The following NEGR1 variants were observed in gnomAD, a reference collection of about 807,000 sequenced individuals.
The protein encoded by NEGR1 is neuronal growth regulator 1.
A neutral mutation model predicts 40.9 loss-of-function variants in NEGR1; 10 were observed. The observed-to-expected ratio is 0.24, with a 90% CI of 0.15 to 0.42. The LOEUF is 0.42. Ranked by LOEUF, NEGR1 falls within the 10% of genes least tolerant of loss-of-function variation. The pLI is 1.00. For synonymous variants in NEGR1, 185 were observed against 166.8 expected (o/e 1.11, Z -0.84); for missense variants, 352 against 438.9 (o/e 0.80, Z 1.77).
At chr1:71,836,813 A>T (rs1270924741) in intron 2 of NEGR1, among the ~76,000 whole-genome samples, 2 of 152,092 alleles carry the variant, frequency 1.3e-5, no homozygotes, top group Non-Finnish European at 2.9e-5. Flanking sequence ...CTTCTGAGAA[A>T]AAGCATATGG....
intron 2 of NEGR1, among the ~76,000 whole-genome samples, chr1:71,799,131 G>T (rs1000753706): frequency 7.2e-5 from 11 of 151,742 alleles, no homozygotes; most frequent in African/African-American, 2.7e-4. Context: ...TGCCATGGTG[G>T]TTTGCTGCAC....
chr1:71,771,569 G>T lies in NEGR1; in HGVS notation c.535+4603C>A, dbSNP rs546850615. Among the ~76,000 whole-genome samples the T allele has an allele frequency of 5.9e-5, 9 of 151,626 alleles. No individual in the cohort carries two copies. In the East Asian group the frequency reaches 1.6e-3, roughly 26 times the overall value. ...TACAAAATTAGCCAGGCATGGTGGC[G>T]CATGCCTGTAATCCCAGCTACCCGG... On this transcript the variant is annotated intron_variant, in intron 3 of 6. Transcript: ENST00000357731.
chr1:72,236,451 A>G (rs946842228), intron 1 of NEGR1, among the ~76,000 whole-genome samples: 1 of 151,962 alleles, frequency 6.6e-6, no homozygotes, highest in Non-Finnish European at 1.5e-5. Flanking sequence ...AGAAGAAGAA[A>G]AAAATGCAAA....
chr1:71,501,936 C>CT (rs1647002104), intron 6 of NEGR1, among the ~76,000 whole-genome samples: 1 of 152,130 alleles, frequency 6.6e-6, no homozygotes, highest in Non-Finnish European at 1.5e-5. Flanking sequence ...ACTCTATTGA[C>CT]TTTTTTGTCC....
At chr1:71,797,155 T>C (rs938448757) in intron 2 of NEGR1, among the ~76,000 whole-genome samples, 2 of 152,174 alleles carry the variant, frequency 1.3e-5, no homozygotes, top group African/African-American at 2.4e-5. Context: ...CTGTGCTACA[T>C]ACTTTATATC....
At chr1:72,194,267 C>T (rs530602576) in intron 1 of NEGR1, among the ~76,000 whole-genome samples, 5 of 151,662 alleles carry the variant, frequency 3.3e-5, no homozygotes, top group Non-Finnish European at 7.4e-5. Flanking sequence ...GAAAAGGGAG[C>T]TAATATTTTT....
At chr1:71,981,715 T>C (rs909862015) in intron 1 of NEGR1, among the ~76,000 whole-genome samples, 1 of 152,072 alleles carries the variant, frequency 6.6e-6, no homozygotes, top group Non-Finnish European at 1.5e-5. Context: ...TGAATCTCAG[T>C]GTAAGAATAT....
At chr1:72,277,240 C>T (rs1469468275) in intron 1 of NEGR1, among the ~76,000 whole-genome samples, 1 of 152,086 alleles carries the variant, frequency 6.6e-6, no homozygotes, top group African/African-American at 2.4e-5. Context: ...CCCCCCTCCA[C>T]CCCCATAACA....
intron 1 of NEGR1, among the ~76,000 whole-genome samples, chr1:71,938,211 A>G (rs113573817): frequency 5.3e-5 from 8 of 152,248 alleles, no homozygotes; most frequent in African/African-American, 1.7e-4. Flanking sequence ...TTATTATGTT[A>G]GAACATAAAT....
At chr1:72,065,640 T>A (rs570419902) in intron 1 of NEGR1, among the ~76,000 whole-genome samples, 36 of 152,260 alleles carry the variant, frequency 2.4e-4, no homozygotes, top group African/African-American at 7.5e-4. Context: ...GTTGACTGAC[T>A]TCAAACAAAA....
chr1:71,468,285 T>C (rs1044564795), intron 6 of NEGR1: 2 of 151,954 alleles, frequency 1.3e-5, no homozygotes, highest in African/African-American at 2.4e-5. Flanking sequence ...TATTCATAGG[T>C]GAGTCTTGCA....
chr1:71,655,047 C>T (rs1651835307), intron 4 of NEGR1, among the ~76,000 whole-genome samples: 2 of 152,058 alleles, frequency 1.3e-5, no homozygotes, highest in Non-Finnish European at 2.9e-5. Flanking sequence ...TGGCCACGTC[C>T]AATTGAAACT....
chr1:72,145,265 C>T (rs571855538), intron 1 of NEGR1, among the ~76,000 whole-genome samples: 1 of 152,134 alleles, frequency 6.6e-6, no homozygotes, highest in African/African-American at 2.4e-5. Flanking sequence ...AAAAATGCAT[C>T]CTCAGAGTCA....
intron 1 of NEGR1, among the ~76,000 whole-genome samples, chr1:72,088,454 C>T (rs984693031): frequency 6.6e-6 from 1 of 152,020 alleles, no homozygotes; most frequent in African/African-American, 2.4e-5. Context: ...TGGTGCATTT[C>T]AGAAATAAAG....
intron 1 of NEGR1, among the ~76,000 whole-genome samples, chr1:72,038,880 T>C (rs1261470496): frequency 1.3e-5 from 2 of 152,010 alleles, no homozygotes; most frequent in African/African-American, 4.8e-5. Flanking sequence ...AGCTCACTAC[T>C]GAGCAAAGGA....
At chr1:71,703,314 T>C (rs2101634291) in intron 3 of NEGR1, 1 of 152,032 alleles carries the variant, frequency 6.6e-6, no homozygotes, top group East Asian at 1.9e-4. Flanking sequence ...AATTTGCAGG[T>C]GATACAGGAG....
rs1553157758 is a variant in NEGR1, at chr1:71,675,112, C to CATATATATATATATAT, written c.667+22895_667+22896insATATATATATATATAT. Among the ~76,000 whole-genome samples, 61 of 45,156 alleles carry CATATATATATATATAT rather than the reference C, an allele frequency of 1.4e-3. 3 individuals are homozygous for CATATATATATATATAT. Among genetic ancestry groups the CATATATATATATATAT allele is most frequent in the East Asian group, 4.6e-3 (5 of 1,082 alleles). 29.6% of individuals were successfully genotyped at this position (45,156 alleles called of 152,430 possible). On this transcript the variant is annotated intron_variant, in intron 4 of 6. Transcript: ENST00000357731. ...GCAATATATAAAATGCATGTTTATT[C>CATATATATATATATAT]ATATATATATATATACACACACACA...
intron 1 of NEGR1, among the ~76,000 whole-genome samples, chr1:72,093,341 A>AAAAAAAAAAAAAG (rs1179635064): frequency 2.6e-5 from 4 of 151,416 alleles, no homozygotes; most frequent in African/African-American, 9.8e-5. Context: ...AAAAAAAAAA[A>AAAAAAAAAAAAAG]AAGATGCTCA....
chr1:72,047,466 T>C (rs1020385263), intron 1 of NEGR1, among the ~76,000 whole-genome samples: 8 of 151,428 alleles, frequency 5.3e-5, no homozygotes, highest in Admixed American at 1.3e-4. Context: ...TTTTAAAATA[T>C]GCAAATTTTA....
Sources: gnomAD v4.1 joint callset for allele counts (sites outside exome capture counted in the v4.1 genomes callset) on GRCh38, gnomAD v4.1.1 for gene constraint, MANE v1.5 for transcripts, NCBI Gene and HGNC (gene_info 2026-07-23, HGNC 2026-07-21) for gene names.